Variants in TMC1 observed in about 807,000 individuals in gnomAD.
TMC1 encodes the protein transmembrane channel-like protein 1.
A neutral mutation model predicts 105.8 loss-of-function variants in TMC1; 84 were observed. That is an observed-to-expected ratio of 0.79 (90% CI 0.67 to 0.95). The LOEUF (loss-of-function observed/expected upper bound fraction) is 0.95. Among genes scored for constraint, TMC1 ranks in the 40% least tolerant of loss-of-function variants. The pLI, the probability that TMC1 is intolerant of heterozygous loss-of-function variation, is 0.00. For synonymous variants in TMC1, 315 were observed against 311.5 expected, an observed-to-expected ratio of 1.01 and a Z score of -0.12; for missense variants, 817 against 914.1, an observed-to-expected ratio of 0.89 and a Z score of 1.37.
At chr9:72,808,065 G>A (rs946588787) in intron 18 of TMC1, among the ~76,000 whole-genome samples, 1 of 152,184 alleles carries the variant, frequency 6.6e-6, no homozygotes, top group African/African-American at 2.4e-5. Context: ...GACCTGGGGG[G>A]TTGGTAGTAC....
intron 4 of TMC1, among the ~76,000 whole-genome samples, chr9:72,641,808 A>ATTT (rs1825632669): frequency 1.4e-5 from 2 of 139,404 alleles, no homozygotes; most frequent in African/African-American, 5.3e-5. Context: ...GTAGTCCCAA[A>ATTT]TCTTTTTTTT....
intron 12 of TMC1, among the ~76,000 whole-genome samples, chr9:72,755,185 T>A (rs1442328774): frequency 6.6e-6 from 1 of 152,136 alleles, no homozygotes; most frequent in Non-Finnish European, 1.5e-5. Context: ...AATGGTAATA[T>A]GATTATATGG....
intron 12 of TMC1, among the ~76,000 whole-genome samples, chr9:72,755,295 A>G (rs1827661733): frequency 6.6e-6 from 1 of 152,178 alleles, no homozygotes; most frequent in Non-Finnish European, 1.5e-5. Context: ...GAGTTTGCAA[A>G]TGTGCTTTTT....
At chr9:72,826,419 T>C (rs1316258937) in intron 20 of TMC1, among the ~76,000 whole-genome samples, 1 of 152,162 alleles carries the variant, frequency 6.6e-6, no homozygotes, top group Admixed American at 6.5e-5. Flanking sequence ...GTGGAAGCTA[T>C]TGCGTGGAAA....
In TMC1 at chr9:72,521,863, C is replaced by A. The variant is rs1823318137; in HGVS notation, c.-478C>A. 1 of 152,154 alleles carries A rather than the reference C, an allele frequency of 6.6e-6. No individual in the cohort carries two copies. The highest frequency in any genetic ancestry group is 1.9e-4 in the East Asian group (1 of 5,196). 9.4% of individuals were successfully genotyped at this position (152,154 alleles called of 1,614,324 possible). A position where few individuals can be genotyped will look rare whatever the true frequency, so the allele number is the denominator to read the frequency against. ...TCTTTCACAAGCCCTCCAGGAGTTG[C>A]TGAAATTTAGGAATCATTGCCCCAA... On this transcript the variant is annotated 5_prime_UTR_variant, in exon 1 of 24. In the 5' UTR this introduces an upstream ATG that the reference lacks. Transcript: ENST00000297784.
At chr9:72,809,535 A>T (rs1232398125) in intron 18 of TMC1, among the ~76,000 whole-genome samples, 1 of 152,230 alleles carries the variant, frequency 6.6e-6, no homozygotes, top group Non-Finnish European at 1.5e-5. Context: ...GCAAGCCATT[A>T]TGAACAAACT....
chr9:72,651,724 G>T lies in TMC1; in HGVS notation c.16+3060G>T, dbSNP rs538350126. The T allele has an allele frequency of 3.3e-5, 5 of 152,258 alleles. No homozygotes were observed. In the South Asian group the frequency reaches 8.3e-4, roughly 25 times the overall value. The allele number at this position is 152,258 out of a possible 1,614,324, so 9.4% of individuals were successfully genotyped here. On this transcript the variant is annotated intron_variant, in intron 5 of 23. Transcript: ENST00000297784. Reference sequence around the variant, plus strand: ...GAATGACTCCCAAGTTTCTGACTTGGTCAGTTGAGTAGAAGGGAAATTTTT... The same window carrying T: ...GAATGACTCCCAAGTTTCTGACTTGTTCAGTTGAGTAGAAGGGAAATTTTT...
At chr9:72,665,764 A>G (rs1312640497) in intron 5 of TMC1, among the ~76,000 whole-genome samples, 1 of 152,240 alleles carries the variant, frequency 6.6e-6, no homozygotes, top group Non-Finnish European at 1.5e-5. Context: ...AATTCTGCTT[A>G]GCTTTTTGTT....
intron 12 of TMC1, among the ~76,000 whole-genome samples, chr9:72,765,849 G>A (rs1827823457): frequency 6.6e-6 from 1 of 152,150 alleles, no homozygotes; most frequent in East Asian, 1.9e-4. Flanking sequence ...ATAGGGTCTA[G>A]AATTCCCACT....
intron 6 of TMC1, among the ~76,000 whole-genome samples, chr9:72,689,137 A>G (rs1485812435): frequency 6.6e-6 from 1 of 152,112 alleles, no homozygotes; most frequent in Admixed American, 6.6e-5. Flanking sequence ...CAGTGTAGAA[A>G]TATGATTGGA....
chr9:72,763,424 G>C (rs1827785880), intron 12 of TMC1, among the ~76,000 whole-genome samples: 1 of 152,138 alleles, frequency 6.6e-6, no homozygotes, highest in Non-Finnish European at 1.5e-5. Flanking sequence ...CTGTAATTGT[G>C]CCAAGTGCTA....
chr9:72,736,938 A>C (rs1827307913), intron 8 of TMC1, among the ~76,000 whole-genome samples: 1 of 152,252 alleles, frequency 6.6e-6, no homozygotes, highest in Non-Finnish European at 1.5e-5. Flanking sequence ...AATATTTTAC[A>C]CATGTTAATG....
At chr9:72,800,550 G>T (rs1828452241) in intron 17 of TMC1, among the ~76,000 whole-genome samples, 1 of 152,020 alleles carries the variant, frequency 6.6e-6, no homozygotes, top group Non-Finnish European at 1.5e-5. Flanking sequence ...GATGCAGATG[G>T]TTCTGCGATA....
At chr9:72,700,057 C>T in intron 7 of TMC1, among the ~76,000 whole-genome samples, 1 of 150,648 alleles carries the variant, frequency 6.6e-6, no homozygotes, top group South Asian at 2.1e-4. Flanking sequence ...AGTTCGAGAC[C>T]AGCCTGGCCA....
intron 1 of TMC1, among the ~76,000 whole-genome samples, chr9:72,546,160 G>A (rs1197803576): frequency 6.6e-6 from 1 of 152,002 alleles, no homozygotes; most frequent in South Asian, 2.1e-4. Flanking sequence ...CGGCGTGGTG[G>A]TGCATGTCTG....
intron 1 of TMC1, among the ~76,000 whole-genome samples, chr9:72,574,962 A>C (rs564211586): frequency 1.4e-4 from 22 of 152,234 alleles, no homozygotes; most frequent in African/African-American, 5.1e-4. Flanking sequence ...TTATGGAATG[A>C]TTTTAGTGCC....
chr9:72,606,302 T>A lies in TMC1; in HGVS notation c.-305-10066T>A, dbSNP rs115731990. On this transcript the variant is annotated intron_variant, in intron 2 of 23. Transcript: ENST00000297784. ...ATAGCAGCTGGCTTCCCCAAAAGCA[T>A]GGAATGGGGGTTGGGGATGGGATAA... 7.8e-4 allele frequency among the ~76,000 whole-genome samples: 118 copies of A among 152,106 alleles called. 1 individual carries two copies. Among genetic ancestry groups the A allele is most frequent in the African/African-American group, 2.8e-3 (117 of 41,434 alleles).
intron 17 of TMC1, among the ~76,000 whole-genome samples, chr9:72,795,762 A>G (rs56350440): frequency 0.087 from 13,221 of 152,234 alleles, 678 homozygotes; most frequent in Non-Finnish European, 0.13. Flanking sequence ...TAATCAGTGA[A>G]CAACACAATG....
intron 5 of TMC1, among the ~76,000 whole-genome samples, chr9:72,672,143 C>A (rs1189128359): frequency 6.6e-6 from 1 of 152,134 alleles, no homozygotes; most frequent in East Asian, 1.9e-4. Context: ...TCCCTTCATC[C>A]AACTGGATCA....
Sources: allele counts gnomAD v4.1 joint callset (sites outside exome capture counted in the v4.1 genomes callset), GRCh38; gene constraint gnomAD v4.1.1; transcripts MANE v1.5; gene names NCBI Gene and HGNC (gene_info 2026-07-23, HGNC 2026-07-21).